The following DNAJC4 variants were observed in gnomAD, a reference collection of about 807,000 sequenced individuals.
DNAJC4 encodes the protein dnaJ homolog subfamily C member 4.
A neutral mutation model predicts 26.8 loss-of-function variants in DNAJC4; 26 were observed. The ratio of observed to expected loss-of-function variants is 0.97; its 90% CI spans 0.71 to 1.34. DNAJC4 has a LOEUF of 1.34. Ranked by LOEUF, DNAJC4 falls within the 40% of genes most tolerant of loss-of-function variation. The pLI, the probability that DNAJC4 is intolerant of heterozygous loss-of-function variation, is 0.00. For missense variants in DNAJC4, 342 were observed against 321.1 expected (o/e 1.07, Z -0.50); for synonymous variants, 134 against 127.8 (o/e 1.05, Z -0.33).
intron 4 of DNAJC4, 124 bp downstream of exon 4, chr11:64,232,989 G>C: frequency 5.0e-6 from 6 of 1,201,008 alleles, no homozygotes; most frequent in Non-Finnish European, 6.6e-6. Flanking sequence ...GCTAAGAGCT[G>C]CTTGAAGTTG....
intron 4 of DNAJC4, 105 bp downstream of exon 4, chr11:64,232,970 G>A (rs1407213462): frequency 1.5e-6 from 2 of 1,343,110 alleles, no homozygotes; most frequent in Non-Finnish European, 9.8e-7. Flanking sequence ...GTACTCTTGT[G>A]TCTCTCAAGC....
rs760199734 is a variant in DNAJC4 at position 64,234,000 on chromosome 11, T to C, written c.614+20T>C. The C allele has an allele frequency of 1.9e-6, 3 of 1,614,040 alleles. No individual in the cohort carries two copies. Among genetic ancestry groups the C allele is most frequent in the Non-Finnish European group, 2.5e-6 (3 of 1,180,020 alleles). ...GGCCAGGTCTGTCCCTGCTCTATTC[T>C]GCTCCCTGCTCCCTGTCCAGGAACC... On this transcript the variant is annotated intron_variant, in intron 5 of 5. Transcript: ENST00000628077.
chr11:64,233,748 C>G, intron 4 of DNAJC4, 146 bp from the exon 5 acceptor site: 1 of 1,114,482 alleles, frequency 9.0e-7, no homozygotes, highest in East Asian at 2.5e-5. Context: ...TGAGCCCTCC[C>G]TATCTATCAC....
In DNAJC4 at chr11:64,234,239, A is replaced by T; in HGVS notation, c.*55A>T. 6.6e-7 allele frequency: 1 copy of T among 1,518,108 alleles called. No individual in the cohort carries two copies. The highest frequency in any genetic ancestry group is 8.8e-7 in the Non-Finnish European group (1 of 1,136,366). The allele number at this position is 1,518,108 out of a possible 1,614,324, so 94.0% of individuals were successfully genotyped here. ...GTTCCCGCTTTGCTTCCTTCCCTGG[A>T]CGGCCCGCTCCCCGAAACGCGCGCA... On this transcript the variant is annotated 3_prime_UTR_variant, in exon 6 of 6. Coordinates refer to ENST00000628077, the MANE Select transcript of DNAJC4 (RefSeq NM_005528.4). This position sits in a 1 kb window ranked among gnomAD's most constrained non-coding sequence, Gnocchi z 5.3.
Position 64,230,802 on chromosome 11 carries a change from C to A in DNAJC4, c.-53C>A. 2 of 1,566,900 alleles carry A rather than the reference C, an allele frequency of 1.3e-6. No individual in the cohort carries two copies. The highest frequency in any genetic ancestry group is 2.4e-5 in the East Asian group (1 of 42,374). On this transcript the variant is annotated 5_prime_UTR_variant, in exon 1 of 6. Transcript: ENST00000628077. ...CCGGGTGCTTGAAGTCTAGCCCCAT[C>A]CTGGTCCAATGCGCTCTTGGTAGCC...
In DNAJC4 at chr11:64,234,013, C is replaced by T. The variant is rs370427666; in HGVS notation, c.614+33C>T. 2.2e-5 allele frequency: 36 copies of T among 1,613,940 alleles called. No individual in the cohort carries two copies. The African/African-American group carries it at 2.9e-4, about 13-fold the overall frequency. ...CCTGCTCTATTCTGCTCCCTGCTCC[C>T]TGTCCAGGAACCACACTTCGGGATC... On this transcript the variant is annotated intron_variant, in intron 5 of 5. Transcript: ENST00000628077. The surrounding 1 kb of genome is among the most constrained non-coding windows in gnomAD (Gnocchi z 5.3).
At chr11:64,233,116 T>C (rs1289964703) in intron 4 of DNAJC4, 4 of 396,078 alleles carry the variant, frequency 1.0e-5, no homozygotes, top group Admixed American at 4.5e-5. Flanking sequence ...CAGGAAGGGA[T>C]TGAGCCAAAC....
At chr11:64,233,303 G>C (rs1179702678) in intron 4 of DNAJC4, among the ~76,000 whole-genome samples, 1 of 151,662 alleles carries the variant, frequency 6.6e-6, no homozygotes, top group South Asian at 2.1e-4. Flanking sequence ...GCGCAATCTC[G>C]GCTCACTGCA....
intron 1 of DNAJC4, chr11:64,231,619 C>G (rs1011053134): frequency 3.5e-5 from 15 of 433,196 alleles, no homozygotes; most frequent in Non-Finnish European, 5.9e-5. Context: ...GGATTACAGG[C>G]GTGAGCCACC....
upstream of DNAJC4, chr11:64,230,510 CGG>C: frequency 1.7e-6 from 1 of 581,562 alleles, no homozygotes. Context: ...GCGACGGCCG[CGG>C]GTCTGTGAGC....
At chr11:64,232,182 G>T in intron 2 of DNAJC4, 1 of 710,414 alleles carries the variant, frequency 1.4e-6, no homozygotes, top group Non-Finnish European at 2.3e-6. Flanking sequence ...CTGCCTGCCT[G>T]CTCTTGAGAA....
At position 64,231,374 on chromosome 11, in the gene DNAJC4, G is replaced by A. The variant is rs1426231786; in HGVS notation, c.86+434G>A. The A allele has an allele frequency of 3.6e-5, 7 of 194,258 alleles. No individual in the cohort carries two copies. In the East Asian group the frequency reaches 9.4e-4, roughly 26 times the overall value. The allele number at this position is 194,258 out of a possible 1,614,324, so 12.0% of individuals were successfully genotyped here. A position where few individuals can be genotyped will look rare whatever the true frequency, so the allele number is the denominator to read the frequency against. ...TTTTTTTTTTTTGAGATGGAGTTTC[G>A]CTCGTTGCCCAGGCTGGAGTGCAAT... On this transcript the variant is annotated intron_variant, in intron 1 of 5. Transcript: ENST00000628077.
intron 4 of DNAJC4, chr11:64,233,087 A>T (rs1947198308): frequency 6.7e-6 from 3 of 447,922 alleles, no homozygotes; most frequent in Non-Finnish European, 1.1e-5. Context: ...TTCGAATGTA[A>T]ATCTTTCATG....
At chr11:64,233,698 C>A in intron 4 of DNAJC4, 196 bp from the exon 5 acceptor site, 1 of 669,620 alleles carries the variant, frequency 1.5e-6, no homozygotes, top group Non-Finnish European at 2.5e-6. Flanking sequence ...TGACCAGGGA[C>A]TTCGGATGCC....
At chr11:64,232,308 GAGGGTCACTGACC>G in intron 2 of DNAJC4, 109 bp from the exon 3 acceptor site, 6 of 1,272,894 alleles carry the variant, frequency 4.7e-6, no homozygotes, top group Non-Finnish European at 6.3e-6. Flanking sequence ...AGGCCTGAGT[GAGGGTCACTGACC>G]AGGCAGGGCC....
At chr11:64,232,072 T>C in intron 2 of DNAJC4, 108 bp downstream of exon 2, 1 of 1,177,008 alleles carries the variant, frequency 8.5e-7, no homozygotes, top group Non-Finnish European at 1.2e-6. Flanking sequence ...GCCACATTTT[T>C]TCAGCCCTCA....
chr11:64,233,799 A>T, intron 4 of DNAJC4, 95 bp from the exon 5 acceptor site: 1 of 1,520,636 alleles, frequency 6.6e-7, no homozygotes, highest in East Asian at 2.3e-5. Context: ...GTGTAAGGGT[A>T]AAAAGCTGTG....
intron 4 of DNAJC4, 135 bp from the exon 5 acceptor site, chr11:64,233,759 A>C: frequency 8.2e-7 from 1 of 1,214,804 alleles, no homozygotes; most frequent in Non-Finnish European, 1.2e-6. Context: ...TATCTATCAC[A>C]GGAAGGGTTA....
At chr11:64,233,777 G>T (rs936160620) in intron 4 of DNAJC4, 117 bp from the exon 5 acceptor site, 79 of 1,381,378 alleles carry the variant, frequency 5.7e-5, no homozygotes, top group Non-Finnish European at 7.4e-5. Context: ...TTAGACTGAG[G>T]TTCCTAACCC....
Sources: allele counts gnomAD v4.1 joint callset (sites outside exome capture counted in the v4.1 genomes callset), GRCh38; gene constraint gnomAD v4.1.1; non-coding constraint Gnocchi (gnomAD v3.1); transcripts MANE v1.5; gene names NCBI Gene and HGNC (gene_info 2026-07-23, HGNC 2026-07-21).